The following MGST3 variants were observed in gnomAD, a reference collection of about 807,000 sequenced individuals.
MGST3 encodes glutathione S-transferase 3, mitochondrial.
Under a neutral mutation model 15.8 loss-of-function variants are expected in MGST3, and 13 were observed. That is an observed-to-expected ratio of 0.82 (90% CI 0.54 to 1.31). The LOEUF is 1.31. Ranked by LOEUF, MGST3 falls within the 50% of genes most tolerant of loss-of-function variation. The pLI is 0.00. For missense variants in MGST3, 155 were observed against 192.4 expected (o/e 0.81, Z 1.15); for synonymous variants, 49 against 68.1 (o/e 0.72, Z 1.38).
At chr1:165,650,983 CATCTG>C (rs1268613321) in intron 2 of MGST3, 26 bp from the exon 3 acceptor site, 9 of 1,599,478 alleles carry the variant, frequency 5.6e-6, no homozygotes, top group Non-Finnish European at 7.7e-6. Context: ...TCCTCTTGAC[CATCTG>C]ATCAGTATGT....
intron 1 of MGST3, among the ~76,000 whole-genome samples, chr1:165,638,805 A>AC (rs1026141372): frequency 6.6e-5 from 10 of 151,560 alleles, no homozygotes; most frequent in African/African-American, 2.4e-4. Context: ...AAAAAAAAAA[A>AC]AAAACCCACA....
intron 1 of MGST3, among the ~76,000 whole-genome samples, chr1:165,634,721 TGCTCTCTCTCAATCATGC>T (rs1648051398): frequency 7.5e-6 from 1 of 133,960 alleles, no homozygotes; most frequent in Non-Finnish European, 1.6e-5. Flanking sequence ...TGCTCACTCG[TGCTCTCTCTCAATCATGC>T]GCTCTCTCTC....
At chr1:165,632,332 T>A in intron 1 of MGST3, 1 of 1,585,808 alleles carries the variant, frequency 6.3e-7, no homozygotes, top group Non-Finnish European at 8.6e-7. Context: ...TTTAGATTGC[T>A]GGTGGGTAGG....
chr1:165,650,159 T>C (rs1648513680), intron 2 of MGST3, 195 bp downstream of exon 2: 2 of 690,834 alleles, frequency 2.9e-6, no homozygotes, highest in South Asian at 3.7e-5. Flanking sequence ...TAGGGAGTAG[T>C]TTCCATCTTG....
At position 165,655,679 on chromosome 1, in the gene MGST3, C is replaced by T. The variant is rs376691545; in HGVS notation, c.*175C>T. 1 of 740,924 alleles carries T rather than the reference C, an allele frequency of 1.3e-6. No homozygotes were observed. Among genetic ancestry groups the T allele is most frequent in the Non-Finnish European group, 2.2e-6 (1 of 460,040 alleles). 45.9% of individuals were successfully genotyped at this position (740,924 alleles called of 1,614,324 possible). On this transcript the variant is annotated 3_prime_UTR_variant, in exon 6 of 6. Transcript: ENST00000367889. ...CTGTATCTGAAATCAGTAGCCTAGTCCTACTAGATGAGAAAGGAGCCACAA... is the reference window on the plus strand; with the variant it reads ...CTGTATCTGAAATCAGTAGCCTAGTTCTACTAGATGAGAAAGGAGCCACAA...
intron 1 of MGST3, among the ~76,000 whole-genome samples, chr1:165,643,866 A>G (rs972791836): frequency 1.3e-5 from 2 of 151,694 alleles, no homozygotes; most frequent in Admixed American, 1.3e-4. Flanking sequence ...AGACTGTCTC[A>G]AAATAAATAA....
At chr1:165,643,737 G>A (rs373080397) in intron 1 of MGST3, among the ~76,000 whole-genome samples, 198 of 151,752 alleles carry the variant, frequency 1.3e-3, no homozygotes, top group African/African-American at 3.7e-3. Flanking sequence ...GTGTTGTGGC[G>A]GGCGCCTGTG....
rs555353744 is a variant in MGST3, at chr1:165,649,944, C to T, written c.97C>T (p.Arg33Cys). 15 of 1,614,056 alleles carry T rather than the reference C, an allele frequency of 9.3e-6. No homozygotes were observed. Among genetic ancestry groups the T allele is most frequent in the South Asian group, 2.2e-5 (2 of 91,070 alleles). The change falls in exon 2 of 6, where the codon CGC (arginine) becomes TGC (cysteine). Residue 33 changes from arginine to cysteine, a missense_variant. Physicochemically the swap from Arg to Cys is radical, Grantham distance 180. Transcript: ENST00000367889. ...AHLAINVSKA[R>C]KKYKVEYPIM... ...CCTAGCCATCAATGTTTCCAAGGCC[C>T]GCAAGAAGTACAAAGTGGAGGTAAG... is the stretch of plus-strand genomic sequence containing the variant.
At chr1:165,653,621 T>A (rs1185735803) in intron 4 of MGST3, 1 of 154,352 alleles carries the variant, frequency 6.5e-6, no homozygotes, top group Non-Finnish European at 1.4e-5. Flanking sequence ...TTGCTTATTT[T>A]AACCAAGGAA....
chr1:165,656,033 AG>A lies in MGST3; in HGVS notation c.*532del, dbSNP rs1648698023. ...TAAGGTGGGAGGATCACTTGAGCCC[AG>A]GGTGTCAAGGCTGCAGTGAGTTATG... is the stretch of plus-strand genomic sequence containing the variant. On this transcript the variant is annotated 3_prime_UTR_variant, in exon 6 of 6. Transcript: ENST00000367889. The A allele has an allele frequency of 5.7e-6, 1 of 175,164 alleles. No individual in the cohort carries two copies. Among genetic ancestry groups the A allele is most frequent in the Non-Finnish European group, 1.2e-5 (1 of 81,580 alleles). The allele number at this position is 175,164 out of a possible 1,614,324, so 10.9% of individuals were successfully genotyped here. A position where few individuals can be genotyped will look rare whatever the true frequency, so the allele number is the denominator to read the frequency against.
intron 1 of MGST3, among the ~76,000 whole-genome samples, chr1:165,639,479 T>C (rs895084056): frequency 6.6e-6 from 1 of 152,166 alleles, no homozygotes; most frequent in African/African-American, 2.4e-5. Context: ...TGTTAAAATA[T>C]CTAAACTCTG....
chr1:165,645,812 G>A (rs745323919), intron 1 of MGST3: 1 of 152,092 alleles, frequency 6.6e-6, no homozygotes, highest in Non-Finnish European at 1.5e-5. Flanking sequence ...TGTGGTAGAA[G>A]GTTTCAATTC....
intron 2 of MGST3, chr1:165,650,762 G>A: frequency 2.0e-6 from 1 of 503,612 alleles, no homozygotes. Flanking sequence ...TTGGCGCAAA[G>A]CTGCCTCTTT....
intron 1 of MGST3, among the ~76,000 whole-genome samples, chr1:165,640,401 A>C (rs573432845): frequency 6.6e-6 from 1 of 151,966 alleles, no homozygotes; most frequent in Non-Finnish European, 1.5e-5. Flanking sequence ...AGGAGCCTCC[A>C]AAGATAGTAG....
chr1:165,651,680 G>T (rs1648561023), intron 3 of MGST3: 2 of 367,830 alleles, frequency 5.4e-6, no homozygotes, highest in African/African-American at 2.1e-5. Flanking sequence ...GAGGTGGGTG[G>T]ATCACTTGAG....
At chr1:165,643,456 T>C (rs974940620) in intron 1 of MGST3, among the ~76,000 whole-genome samples, 4 of 152,028 alleles carry the variant, frequency 2.6e-5, no homozygotes, top group Middle Eastern at 3.4e-3. Context: ...CTGTGGCTCA[T>C]GCTTGTATTC....
chr1:165,651,141 G>A (rs1648543990), intron 3 of MGST3, 54 bp downstream of exon 3: 1 of 1,450,736 alleles, frequency 6.9e-7, no homozygotes, highest in Non-Finnish European at 9.7e-7. Context: ...GGTGTTTTCT[G>A]TCTAACACCT....
rs1165084618 is a variant in MGST3, at chr1:165,655,420, G to T, written c.375G>T (p.Leu125Phe). The change falls in exon 6 of 6, where the codon TTG becomes TTT. Residue 125 changes from leucine (L) to phenylalanine (F), a missense_variant. Transcript: ENST00000367889. The stretch of plus-strand genomic sequence containing the variant: ...TGGGGTCCATCGCCCTCCTGGGCTT[G>T]GTGGGCACAACTGTGTGCTCTGCTT... ...GALGSIALLG[L>F]VGTTVCSAFQ... The T allele has an allele frequency of 5.0e-6, 8 of 1,613,948 alleles. No individual in the cohort carries two copies. Among genetic ancestry groups the T allele is most frequent in the African/African-American group, 1.3e-5 (1 of 74,894 alleles).
chr1:165,643,554 TA>T (rs368951005), intron 1 of MGST3, among the ~76,000 whole-genome samples: 63,608 of 142,050 alleles, frequency 0.45, 14,077 homozygotes, highest in African/African-American at 0.5. Flanking sequence ...TCCTATCTCT[TA>T]AAAAAAAAAA....
Sources: gnomAD v4.1 joint callset for allele counts (sites outside exome capture counted in the v4.1 genomes callset) on GRCh38, gnomAD v4.1.1 for gene constraint, MANE v1.5 for transcripts, NCBI Gene and HGNC (gene_info 2026-07-23, HGNC 2026-07-21) for gene names.